AHCYL1: variants seen among roughly 807,000 people sequenced by gnomAD.
The protein encoded by AHCYL1 is adenosylhomocysteinase like 1.
A neutral mutation model predicts 79.3 loss-of-function variants in AHCYL1; 20 were observed. That is an observed-to-expected ratio of 0.25 (90% CI 0.18 to 0.37). AHCYL1 has a LOEUF of 0.37. Among genes scored for constraint, AHCYL1 ranks in the 10% least tolerant of loss-of-function variants. The pLI, the probability that AHCYL1 is intolerant of heterozygous loss-of-function variation, is 1.00. For missense variants in AHCYL1, 330 were observed against 673.6 expected (o/e 0.49, Z 5.65); for synonymous variants, 223 against 242.2 (o/e 0.92, Z 0.74).
chr1:110,023,711 T>A lies in AHCYL1; in HGVS notation c.*2031T>A, dbSNP rs1314418917. On this transcript the variant is annotated 3_prime_UTR_variant, in exon 17 of 17. Coordinates refer to ENST00000369799, the MANE Select transcript of AHCYL1 (RefSeq NM_006621.7). ...ATTAATCCTTGCAGATGAGCAATAATCATTAAAATCGATTAAAATGATAAG... is the reference window on the plus strand; with the variant it reads ...ATTAATCCTTGCAGATGAGCAATAAACATTAAAATCGATTAAAATGATAAG... The A allele has an allele frequency of 1.3e-5, 2 of 152,640 alleles. No homozygotes were observed. The highest frequency in any genetic ancestry group is 2.9e-5 in the Non-Finnish European group (2 of 68,038). 9.5% of individuals were successfully genotyped at this position (152,640 alleles called of 1,614,324 possible).
intron 1 of AHCYL1, among the ~76,000 whole-genome samples, chr1:109,994,564 C>T (rs977440247): frequency 2.0e-5 from 3 of 152,216 alleles, no homozygotes; most frequent in Non-Finnish European, 4.4e-5. Flanking sequence ...GTTGGGATTA[C>T]AGGCATGAGC....
At chr1:110,014,998 T>G (rs1210158298) in intron 6 of AHCYL1, 141 bp downstream of exon 6, 16 of 765,094 alleles carry the variant, frequency 2.1e-5, no homozygotes, top group Non-Finnish European at 3.5e-5. Flanking sequence ...TGATACCTAT[T>G]CAGAATGGGT....
chr1:110,016,654 T>C lies in AHCYL1; in HGVS notation c.900-13T>C. 2 of 1,614,114 alleles carry C rather than the reference T, an allele frequency of 1.2e-6. No individual in the cohort carries two copies. Among genetic ancestry groups the C allele is most frequent in the Non-Finnish European group, 1.7e-6 (2 of 1,179,994 alleles). ...TATTAACGTTTGAGTTGAGCCCTTG[T>C]CTGTTTCCACAGCCTGAAGAGGACC... On this transcript the variant is annotated splice_polypyrimidine_tract_variant and intron_variant, in intron 8 of 16. Coordinates refer to ENST00000369799, the MANE Select transcript of AHCYL1 (RefSeq NM_006621.7).
At chr1:109,989,184 T>TA (rs768112623) in intron 1 of AHCYL1, among the ~76,000 whole-genome samples, 1 of 152,204 alleles carries the variant, frequency 6.6e-6, no homozygotes, top group Non-Finnish European at 1.5e-5. Context: ...TTTAGTTAGT[T>TA]ACACTCTAGT....
In AHCYL1 at chr1:109,984,903, G is replaced by T. The variant is rs1029331035; in HGVS notation, c.-150G>T. ...CCGAACAGACAAGGCGTGGGCCACA[G>T]CACCTCAGAAGCCGACGCAGCTCGA... On this transcript the variant is annotated 5_prime_UTR_variant, in exon 1 of 17. Transcript: ENST00000369799. 4 of 1,235,758 alleles carry T rather than the reference G, an allele frequency of 3.2e-6. No individual in the cohort carries two copies. Among genetic ancestry groups the T allele is most frequent in the Non-Finnish European group, 4.1e-6 (4 of 967,934 alleles). The allele number at this position is 1,235,758 out of a possible 1,614,324, so 76.5% of individuals were successfully genotyped here. A position where few individuals can be genotyped will look rare whatever the true frequency, so the allele number is the denominator to read the frequency against.
At chr1:110,008,452 AATAGG>A (rs1650807501) in intron 1 of AHCYL1, among the ~76,000 whole-genome samples, 2 of 152,250 alleles carry the variant, frequency 1.3e-5, no homozygotes, top group Admixed American at 1.3e-4. Flanking sequence ...TTAAATTTTT[AATAGG>A]ATAGGAGGTT....
chr1:110,011,659 C>T (rs993420419), intron 3 of AHCYL1, among the ~76,000 whole-genome samples: 8 of 152,166 alleles, frequency 5.3e-5, no homozygotes, highest in Admixed American at 2.0e-4. Context: ...TAGATCACTA[C>T]GTGGTAGTTG....
chr1:109,987,150 A>G (rs72976648), intron 1 of AHCYL1, among the ~76,000 whole-genome samples: 4,412 of 152,264 alleles, frequency 0.029, 178 homozygotes, highest in African/African-American at 0.1. Context: ...GTGTTTCATG[A>G]TGACTAATTA....
chr1:110,012,537 CT>C, intron 4 of AHCYL1, 75 bp downstream of exon 4: 1 of 1,217,386 alleles, frequency 8.2e-7, no homozygotes, highest in Non-Finnish European at 1.1e-6. Context: ...TTCACTTTTC[CT>C]TTCCTAACTC....
At chr1:109,985,240 G>T in intron 1 of AHCYL1, 68 bp downstream of exon 1, 1 of 1,550,122 alleles carries the variant, frequency 6.5e-7, no homozygotes, top group South Asian at 1.2e-5. Context: ...GAGCAAGCCC[G>T]GGCTCTGGCT....
chr1:110,018,411 A>G lies in AHCYL1; in HGVS notation c.1162A>G (p.Met388Val), dbSNP rs1478446333. 6.2e-7 allele frequency: 1 copy of G among 1,614,098 alleles called. No individual in the cohort carries two copies. The highest frequency in any genetic ancestry group is 8.5e-7 in the Non-Finnish European group (1 of 1,180,036). The change falls in exon 12 of 17, where the codon ATG becomes GTG. Residue 388 changes from methionine (M) to valine (V), a missense_variant. Transcript: ENST00000369799. ...AGTGACACGGGAGCACTTGGATCGC[A>G]TGAAAAACAGTTGTATCGTATGCAA... ...NVVTREHLDR[M>V]KNSCIVCNMG...
At chr1:110,013,714 A>C (rs1463511761) in intron 5 of AHCYL1, among the ~76,000 whole-genome samples, 1 of 152,150 alleles carries the variant, frequency 6.6e-6, no homozygotes, top group African/African-American at 2.4e-5. Context: ...CATCTCAAAA[A>C]TTAATAACAA....
intron 1 of AHCYL1, among the ~76,000 whole-genome samples, chr1:109,996,057 A>G (rs1650011631): frequency 6.6e-6 from 1 of 152,126 alleles, no homozygotes; most frequent in African/African-American, 2.4e-5. Flanking sequence ...AAATACAAAA[A>G]TTAGCCGGGT....
At chr1:109,995,037 C>T (rs184805108) in intron 1 of AHCYL1, among the ~76,000 whole-genome samples, 7 of 152,178 alleles carry the variant, frequency 4.6e-5, no homozygotes, top group African/African-American at 1.2e-4. Flanking sequence ...CAAGATTTCC[C>T]GGAGAGAAAC....
At chr1:110,015,249 C>T (rs1395358716) in intron 6 of AHCYL1, among the ~76,000 whole-genome samples, 176 bp from the exon 7 acceptor site, 2 of 152,162 alleles carry the variant, frequency 1.3e-5, no homozygotes, top group South Asian at 2.1e-4. Flanking sequence ...TCCTTTTAAC[C>T]ATTTTACACC....
At chr1:109,987,072 C>T (rs1276064380) in intron 1 of AHCYL1, among the ~76,000 whole-genome samples, 3 of 152,160 alleles carry the variant, frequency 2.0e-5, no homozygotes, top group South Asian at 2.1e-4. Context: ...TGTGCCCCAC[C>T]GTGTTTCTTA....
At chr1:109,996,292 T>C (rs536045041) in intron 1 of AHCYL1, among the ~76,000 whole-genome samples, 8 of 152,330 alleles carry the variant, frequency 5.3e-5, no homozygotes, top group African/African-American at 1.9e-4. Flanking sequence ...TCCTCCCTCA[T>C]GTGAAAGGTC....
At position 109,984,861 on chromosome 1, in the gene AHCYL1, C is replaced by G; in HGVS notation, c.-192C>G. The G allele has an allele frequency of 1.1e-6, 1 of 884,432 alleles. No homozygotes were observed. 54.8% of individuals were successfully genotyped at this position (884,432 alleles called of 1,614,324 possible). A position where few individuals can be genotyped will look rare whatever the true frequency, so the allele number is the denominator to read the frequency against. On this transcript the variant is annotated 5_prime_UTR_variant, in exon 1 of 17. Coordinates refer to ENST00000369799, the MANE Select transcript of AHCYL1 (RefSeq NM_006621.7). The stretch of plus-strand genomic sequence containing the variant: ...GTTCTCTTGTGGCCGCCGTCGCTGT[C>G]CGGCTGCCTTGGGCTGCCGAACAGA...
chr1:109,996,773 A>G (rs1057077300), intron 1 of AHCYL1, among the ~76,000 whole-genome samples: 5 of 152,190 alleles, frequency 3.3e-5, no homozygotes, highest in African/African-American at 1.2e-4. Flanking sequence ...GCTCTATCAT[A>G]TTCTTATGGA....
Sources: gnomAD v4.1 joint callset for allele counts (sites outside exome capture counted in the v4.1 genomes callset) on GRCh38, gnomAD v4.1.1 for gene constraint, MANE v1.5 for transcripts, NCBI Gene and HGNC (gene_info 2026-07-23, HGNC 2026-07-21) for gene names.